Variants in KAZN observed in about 807,000 individuals in gnomAD.
KAZN encodes the protein kazrin.
Under a neutral mutation model 87.4 loss-of-function variants are expected in KAZN, and 40 were observed. The observed-to-expected ratio is 0.46, with a 90% CI of 0.36 to 0.60. The LOEUF (loss-of-function observed/expected upper bound fraction) is 0.60, where lower values mean the gene tolerates loss of function less well. Among genes scored for constraint, KAZN ranks in the 20% least tolerant of loss-of-function variants. KAZN has a pLI of 0.00. For missense variants in KAZN, 898 were observed against 1,073.9 expected (o/e 0.84, Z 2.29); for synonymous variants, 466 against 458.3 (o/e 1.02, Z -0.22).
chr1:14,688,046 G>A (rs564004509), intron 1 of KAZN, among the ~76,000 whole-genome samples: 5 of 152,210 alleles, frequency 3.3e-5, no homozygotes, highest in South Asian at 4.2e-4. Context: ...ATAGGAACAC[G>A]CCAGTCATAG....
intron 1 of KAZN, among the ~76,000 whole-genome samples, chr1:14,084,199 G>C (rs1643780830): frequency 6.6e-6 from 1 of 152,182 alleles, no homozygotes; most frequent in Admixed American, 6.5e-5. Flanking sequence ...GTAAAATCAA[G>C]AAGACCAGAT....
intron 1 of KAZN, among the ~76,000 whole-genome samples, chr1:14,789,176 T>TA (rs372808027): frequency 6.6e-4 from 100 of 152,280 alleles, no homozygotes; most frequent in African/African-American, 2.2e-3. Context: ...CTGAGGGCTT[T>TA]GGGGACAGGA....
chr1:14,534,632 G>A (rs984424368), intron 2 of KAZN, among the ~76,000 whole-genome samples: 6 of 152,194 alleles, frequency 3.9e-5, no homozygotes, highest in South Asian at 4.2e-4. Flanking sequence ...GAGCCAGAGC[G>A]AGACTCCATC....
chr1:15,103,537 G>T (rs560465537), intron 12 of KAZN, 77 bp downstream of exon 12: 3 of 908,520 alleles, frequency 3.3e-6, no homozygotes, highest in Non-Finnish European at 5.3e-6. Flanking sequence ...AAATCAATAT[G>T]CAAATCACAT....
chr1:14,274,426 CTGT>C (rs1652191704), intron 2 of KAZN, among the ~76,000 whole-genome samples: 1 of 152,186 alleles, frequency 6.6e-6, no homozygotes, highest in African/African-American at 2.4e-5. Flanking sequence ...CTCATGAGTT[CTGT>C]TGTTCCCCAT....
chr1:14,186,721 G>C (rs1646314840), intron 2 of KAZN, among the ~76,000 whole-genome samples: 1 of 152,162 alleles, frequency 6.6e-6, no homozygotes, highest in South Asian at 2.1e-4. Context: ...AGGAAGAGGA[G>C]TAGATGCTGG....
At chr1:14,480,584 T>A (rs1183914133) in intron 2 of KAZN, among the ~76,000 whole-genome samples, 1 of 147,086 alleles carries the variant, frequency 6.8e-6, no homozygotes. Flanking sequence ...ATACATAATA[T>A]TCATATTATA....
rs186870619 is a variant in KAZN at position 14,326,266 on chromosome 1, A to G, written c.249+145674A>G. 3.4e-3 allele frequency among the ~76,000 whole-genome samples: 511 copies of G among 152,270 alleles called. 2 individuals carry two copies. Among genetic ancestry groups the G allele is most frequent in the Admixed American group, 4.6e-3 (71 of 15,294 alleles). On this transcript the variant is annotated intron_variant, in intron 2 of 16. Transcript: ENST00000636203. ...AAAAGAGAACTCTATGCTTCTCATA[A>G]CTCAGGCTATATACCAAAAAGCCAT...
intron 1 of KAZN, among the ~76,000 whole-genome samples, chr1:14,804,466 G>A (rs1048290077): frequency 3.9e-5 from 6 of 152,278 alleles, no homozygotes; most frequent in South Asian, 2.1e-4. Context: ...GCTAACTCGG[G>A]CCCAGTGGGG....
At chr1:14,645,659 T>G (rs947635162) in intron 1 of KAZN, among the ~76,000 whole-genome samples, 8 of 152,204 alleles carry the variant, frequency 5.3e-5, no homozygotes, top group Non-Finnish European at 1.2e-4. Context: ...AAGACTATGG[T>G]GTTTTCTAGA....
intron 1 of KAZN, among the ~76,000 whole-genome samples, chr1:14,754,413 C>A (rs1039158224): frequency 2.0e-5 from 3 of 150,552 alleles, no homozygotes; most frequent in African/African-American, 7.5e-5. Context: ...CAGGTGGATC[C>A]CCTGAGGTCA....
At chr1:14,556,204 G>T (rs1189111976) in intron 2 of KAZN, among the ~76,000 whole-genome samples, 102 of 151,644 alleles carry the variant, frequency 6.7e-4, no homozygotes, top group Non-Finnish European at 2.8e-4. Context: ...CCGCCTCCTG[G>T]GTTCACACCA....
intron 8 of KAZN, among the ~76,000 whole-genome samples, chr1:15,076,759 C>T (rs1403321947): frequency 1.3e-5 from 2 of 152,234 alleles, no homozygotes; most frequent in East Asian, 3.9e-4. Flanking sequence ...TGTAAAGCAC[C>T]AGGCAAACAT....
At chr1:14,824,306 G>T (rs1646820856) in intron 1 of KAZN, among the ~76,000 whole-genome samples, 1 of 152,154 alleles carries the variant, frequency 6.6e-6, no homozygotes, top group African/African-American at 2.4e-5. Context: ...GAGGAAGAGT[G>T]AACCAGCAGG....
intron 2 of KAZN, among the ~76,000 whole-genome samples, chr1:14,263,374 C>T (rs752019864): frequency 6.6e-6 from 1 of 152,178 alleles, no homozygotes; most frequent in Non-Finnish European, 1.5e-5. Context: ...TTTTAGATGG[C>T]AAGCTAAAAT....
chr1:13,969,657 T>C (rs975755131), intron 1 of KAZN, among the ~76,000 whole-genome samples: 3 of 152,036 alleles, frequency 2.0e-5, no homozygotes, highest in African/African-American at 7.2e-5. Flanking sequence ...CTGCTTGGAG[T>C]GCCCTTTCCC....
At chr1:15,025,407 C>T (rs923205443) in intron 2 of KAZN, among the ~76,000 whole-genome samples, 6 of 152,172 alleles carry the variant, frequency 3.9e-5, no homozygotes, top group African/African-American at 1.2e-4. Context: ...GTAATTGGCA[C>T]AGCGCTGACC....
intron 1 of KAZN, among the ~76,000 whole-genome samples, chr1:14,661,243 G>T (rs1190552484): frequency 6.6e-6 from 1 of 152,120 alleles, no homozygotes; most frequent in African/African-American, 2.4e-5. Context: ...GTGAATAAAG[G>T]CTATGAGGAC....
At chr1:14,830,369 G>T (rs1056256566) in intron 1 of KAZN, among the ~76,000 whole-genome samples, 1 of 152,218 alleles carries the variant, frequency 6.6e-6, no homozygotes, top group Non-Finnish European at 1.5e-5. Context: ...GTTCATCCCT[G>T]AATGTATCAC....
Sources: allele counts gnomAD v4.1 joint callset (sites outside exome capture counted in the v4.1 genomes callset), GRCh38; gene constraint gnomAD v4.1.1; transcripts MANE v1.5; gene names NCBI Gene and HGNC (gene_info 2026-07-23, HGNC 2026-07-21).